The following MPP2 variants were observed in gnomAD, a reference collection of about 807,000 sequenced individuals.
The protein encoded by MPP2 is MAGUK p55 scaffold protein 2.
A neutral mutation model predicts 58.5 loss-of-function variants in MPP2; 42 were observed. The ratio of observed to expected loss-of-function variants is 0.72; its 90% CI spans 0.56 to 0.93. The LOEUF is 0.93. Ranked by LOEUF, MPP2 falls within the 40% of genes least tolerant of loss-of-function variation. MPP2 has a pLI of 0.00. For synonymous variants in MPP2, 300 were observed against 307.8 expected (o/e 0.97, Z 0.26); for missense variants, 632 against 760.4 (o/e 0.83, Z 1.99).
At chr17:43,907,212 C>T in intron 1 of MPP2, 16 of 985,546 alleles carry the variant, frequency 1.6e-5, no homozygotes, top group Non-Finnish European at 1.9e-5. Flanking sequence ...CAGCTCACCA[C>T]CTTGGTGCCT....
chr17:43,883,180 C>T (rs763429055), intron 4 of MPP2, 23 bp downstream of exon 4: 1 of 1,590,660 alleles, frequency 6.3e-7, no homozygotes, highest in South Asian at 1.1e-5. Flanking sequence ...TGCTCCCTCA[C>T]CCCAGCCCTA....
At chr17:43,884,690 C>A (rs6503481) in intron 3 of MPP2, among the ~76,000 whole-genome samples, 7,966 of 152,260 alleles carry the variant, frequency 0.052, 752 homozygotes, top group African/African-American at 0.18. Context: ...CTATTCTGTT[C>A]CCCCAAAATC....
At chr17:43,899,394 AG>A (rs2047994005) in intron 2 of MPP2, among the ~76,000 whole-genome samples, 4 of 8,122 alleles carry the variant, frequency 4.9e-4, no homozygotes, top group Non-Finnish European at 1.4e-3. Flanking sequence ...GTACAGGCCC[AG>A]AGTCAAGCAG....
chr17:43,904,831 TTTTG>T (rs541865603), intron 1 of MPP2, among the ~76,000 whole-genome samples: 50 of 152,324 alleles, frequency 3.3e-4, no homozygotes, highest in East Asian at 9.6e-4. Context: ...CTGTTGTATT[TTTTG>T]TTTGTTTGTT....
At position 43,879,518 on chromosome 17, in the gene MPP2, G is replaced by T; in HGVS notation, c.1354-115C>A. On this transcript the variant is annotated intron_variant, in intron 11 of 12. Coordinates refer to ENST00000269095, the MANE Select transcript of MPP2 (RefSeq NM_005374.5). This position sits in a 1 kb window ranked among gnomAD's most constrained non-coding sequence, Gnocchi z 4.1. ...GAGCACTTGGGAGTGGATGAGAAAA[G>T]GGTGCCCGGGGGTCTGGGACATGAG... The T allele has an allele frequency of 7.6e-7, 1 of 1,317,198 alleles. No homozygotes were observed. 81.6% of individuals were successfully genotyped at this position (1,317,198 alleles called of 1,614,324 possible).
chr17:43,882,869 A>G, intron 5 of MPP2, 34 bp downstream of exon 5: 1 of 1,612,224 alleles, frequency 6.2e-7, no homozygotes, highest in Non-Finnish European at 8.5e-7. Context: ...CCCCACCCTC[A>G]CCAGCACCAC....
At chr17:43,878,688 A>T (rs1413342124) in intron 12 of MPP2, among the ~76,000 whole-genome samples, 1 of 152,172 alleles carries the variant, frequency 6.6e-6, no homozygotes, top group Non-Finnish European at 1.5e-5. Flanking sequence ...CTGGGGCCGG[A>T]ATGCTGCAGC....
At chr17:43,884,286 T>G (rs1162158874) in intron 3 of MPP2, 2 of 586,532 alleles carry the variant, frequency 3.4e-6, no homozygotes, top group African/African-American at 3.7e-5. Context: ...GATGATCATA[T>G]GTTGTAGTTG....
chr17:43,901,276 C>T lies in MPP2; in HGVS notation c.32-2896G>A, dbSNP rs2048088344. ...TGTGGGTAGGGATGGTGCCCCAGCC[C>T]TGCTTACCCCTCGCCTCACAGCAGC... On this transcript the variant is annotated intron_variant, in intron 2 of 12. Coordinates refer to ENST00000269095, the MANE Select transcript of MPP2 (RefSeq NM_005374.5). 3.0e-6 allele frequency: 3 copies of T among 985,498 alleles called. No homozygotes were observed. The African/African-American group carries it at 5.2e-5, about 17-fold the overall frequency. 61.0% of individuals were successfully genotyped at this position (985,498 alleles called of 1,614,324 possible).
At chr17:43,881,966 A>G (rs78431944) in intron 6 of MPP2, among the ~76,000 whole-genome samples, 4,713 of 152,292 alleles carry the variant, frequency 0.031, 205 homozygotes, top group African/African-American at 0.096. Flanking sequence ...GGAGACAGCT[A>G]TCCAGGACAT....
At chr17:43,892,624 G>C (rs2143677218) in intron 3 of MPP2, among the ~76,000 whole-genome samples, 1 of 152,194 alleles carries the variant, frequency 6.6e-6, no homozygotes, top group Middle Eastern at 3.4e-3. Context: ...GGAGAAAGAA[G>C]TTACTGGATT....
At chr17:43,894,057 G>A in intron 3 of MPP2, among the ~76,000 whole-genome samples, 1 of 149,522 alleles carries the variant, frequency 6.7e-6, no homozygotes, top group African/African-American at 2.5e-5. Flanking sequence ...GGCGAATCAT[G>A]AGGTCAGGAG....
chr17:43,891,442 G>A (rs1172315688), intron 3 of MPP2, among the ~76,000 whole-genome samples: 1 of 151,874 alleles, frequency 6.6e-6, no homozygotes, highest in Non-Finnish European at 1.5e-5. Flanking sequence ...TTGAACCTGG[G>A]AGGCAGAGGT....
chr17:43,880,368 A>G lies in MPP2; in HGVS notation c.1150+323T>C, dbSNP rs116363275. Among the ~76,000 whole-genome samples, 1,062 of 152,318 alleles carry G rather than the reference A, an allele frequency of 7.0e-3. 12 individuals are homozygous for G. Among genetic ancestry groups the G allele is most frequent in the African/African-American group, 0.024 (987 of 41,562 alleles). ...AAGAAGCCCTGTCTTCCACAAGGCT[A>G]CACACATGCAGCTCGTAGCCTGTTT... On this transcript the variant is annotated intron_variant, in intron 10 of 12. Coordinates refer to ENST00000269095, the MANE Select transcript of MPP2 (RefSeq NM_005374.5). The surrounding 1 kb of genome is among the most constrained non-coding windows in gnomAD (Gnocchi z 5.2).
At position 43,879,498 on chromosome 17, in the gene MPP2, C is replaced by G; in HGVS notation, c.1354-95G>C. 1 of 1,507,012 alleles carries G rather than the reference C, an allele frequency of 6.6e-7. No individual in the cohort carries two copies. The highest frequency in any genetic ancestry group is 9.1e-7 in the Non-Finnish European group (1 of 1,098,406). 93.4% of individuals were successfully genotyped at this position (1,507,012 alleles called of 1,614,324 possible). On this transcript the variant is annotated intron_variant, in intron 11 of 12. Transcript: ENST00000269095. The surrounding 1 kb of genome is among the most constrained non-coding windows in gnomAD (Gnocchi z 4.1). ...AGGGTAACTGGGGTTGGGGTGAGCA[C>G]TTGGGAGTGGATGAGAAAAGGGTGC...
At chr17:43,881,375 T>C (rs1442663501) in intron 7 of MPP2, 26 bp from the exon 8 acceptor site, 1 of 1,613,976 alleles carries the variant, frequency 6.2e-7, no homozygotes, top group African/African-American at 1.3e-5. Context: ...GACCAAGATC[T>C]GCCTGAGCAA....
At chr17:43,886,771 G>T (rs2047387042) in intron 3 of MPP2, among the ~76,000 whole-genome samples, 1 of 152,176 alleles carries the variant, frequency 6.6e-6, no homozygotes, top group African/African-American at 2.4e-5. Flanking sequence ...ACATGGAGGA[G>T]AAATGATCTC....
intron 3 of MPP2, among the ~76,000 whole-genome samples, chr17:43,894,668 G>A (rs558833088): frequency 4.7e-5 from 7 of 149,930 alleles, no homozygotes; most frequent in Admixed American, 2.7e-4. Context: ...GCCAGTCATG[G>A]TGGCTCATGC....
chr17:43,884,857 C>T (rs1159848003), intron 3 of MPP2, among the ~76,000 whole-genome samples: 2 of 152,148 alleles, frequency 1.3e-5, no homozygotes, highest in African/African-American at 4.8e-5. Context: ...CAGTGGCTCA[C>T]GCCTGTAATC....
Sources: gnomAD v4.1 joint callset for allele counts (sites outside exome capture counted in the v4.1 genomes callset) on GRCh38, gnomAD v4.1.1 for gene constraint, Gnocchi (gnomAD v3.1) non-coding constraint, MANE v1.5 for transcripts, NCBI Gene and HGNC (gene_info 2026-07-23, HGNC 2026-07-21) for gene names.